The following KIAA1549L variants were observed in gnomAD, a reference collection of about 807,000 sequenced individuals.
The protein encoded by KIAA1549L is UPF0606 protein KIAA1549L.
Under a neutral mutation model 160.7 loss-of-function variants are expected in KIAA1549L, and 88 were observed. That is an observed-to-expected ratio of 0.55 (90% CI 0.46 to 0.65). The LOEUF is 0.65. KIAA1549L is among the 30% of genes least tolerant of loss of function. The pLI, the probability that KIAA1549L is intolerant of heterozygous loss-of-function variation, is 0.00. For synonymous variants in KIAA1549L, 950 were observed against 976.7 expected, an observed-to-expected ratio of 0.97 and a Z score of 0.51; for missense variants, 2,258 against 2,437.5, an observed-to-expected ratio of 0.93 and a Z score of 1.55.
At chr11:33,462,689 A>G (rs1260231199) in intron 1 of KIAA1549L, among the ~76,000 whole-genome samples, 1 of 152,096 alleles carries the variant, frequency 6.6e-6, no homozygotes, top group Non-Finnish European at 1.5e-5. Context: ...CTTTCAGCAA[A>G]TTTCTTAACT....
rs191759651 is a variant in KIAA1549L at position 33,530,672 on chromosome 11, G to A, written c.239-11130G>A. Among the ~76,000 whole-genome samples the A allele has an allele frequency of 1.2e-3, 176 of 151,832 alleles. No individual in the cohort carries two copies. In the South Asian group the frequency reaches 0.025, roughly 21 times the overall value. On this transcript the variant is annotated intron_variant, in intron 1 of 20. Coordinates refer to ENST00000658780, the MANE Select transcript of KIAA1549L (RefSeq NM_012194.3). ...ACACAGATAATATATTTCCAAACAAGTGACCTTCTGTGTGTGTGATGTCCT... is the reference window on the plus strand; with the variant it reads ...ACACAGATAATATATTTCCAAACAAATGACCTTCTGTGTGTGTGATGTCCT...
At chr11:33,551,874 A>T (rs116230724) in intron 5 of KIAA1549L, among the ~76,000 whole-genome samples, 1,825 of 152,012 alleles carry the variant, frequency 0.012, 35 homozygotes, top group African/African-American at 0.042. Context: ...AAATCATAAA[A>T]TCTTTTGCAT....
At chr11:33,561,608 A>T in intron 7 of KIAA1549L, 68 bp from the exon 8 acceptor site, 1 of 1,250,226 alleles carries the variant, frequency 8.0e-7, no homozygotes, top group Admixed American at 1.7e-5. Context: ...CTCAAATATA[A>T]CTAAATAAAT....
chr11:33,591,846 GACT>G (rs1424549859), intron 12 of KIAA1549L, among the ~76,000 whole-genome samples: 1 of 152,100 alleles, frequency 6.6e-6, no homozygotes, highest in African/African-American at 2.4e-5. Context: ...ATCCCTTTAG[GACT>G]ACAAAAATGT....
chr11:33,598,141 T>C (rs1360768764), intron 12 of KIAA1549L, among the ~76,000 whole-genome samples: 1 of 151,592 alleles, frequency 6.6e-6, no homozygotes, highest in East Asian at 1.9e-4. Flanking sequence ...AAAATCAAAA[T>C]GTTAAGTGGG....
At chr11:33,587,377 A>G (rs1275006179) in intron 11 of KIAA1549L, among the ~76,000 whole-genome samples, 1 of 152,220 alleles carries the variant, frequency 6.6e-6, no homozygotes, top group Non-Finnish European at 1.5e-5. Context: ...GTTGAAAGCT[A>G]AAAGACCGCT....
chr11:33,459,396 A>G (rs1851893800), intron 1 of KIAA1549L, among the ~76,000 whole-genome samples: 1 of 152,166 alleles, frequency 6.6e-6, no homozygotes, highest in South Asian at 2.1e-4. Flanking sequence ...ATGTGGATCC[A>G]TTACTTGCCC....
At chr11:33,548,404 C>A (rs988754643) in intron 4 of KIAA1549L, among the ~76,000 whole-genome samples, 1 of 152,080 alleles carries the variant, frequency 6.6e-6, no homozygotes, top group African/African-American at 2.4e-5. Flanking sequence ...GCCTCAAAAA[C>A]ACACACACAA....
At chr11:33,572,738 G>C (rs1855307118) in intron 9 of KIAA1549L, among the ~76,000 whole-genome samples, 1 of 152,208 alleles carries the variant, frequency 6.6e-6, no homozygotes, top group Admixed American at 6.5e-5. Flanking sequence ...CCAGTTTGTA[G>C]CTATTAAGCA....
chr11:33,472,938 G>T (rs555397793), intron 1 of KIAA1549L, among the ~76,000 whole-genome samples: 4 of 152,294 alleles, frequency 2.6e-5, no homozygotes, highest in African/African-American at 9.6e-5. Flanking sequence ...TGGTGCTCCA[G>T]CTTCCAATGT....
chr11:33,408,489 G>GTATGTGTATATATATATATATATA (rs1554974405), intron 1 of KIAA1549L, among the ~76,000 whole-genome samples: 3 of 123,074 alleles, frequency 2.4e-5, no homozygotes, highest in African/African-American at 9.7e-5. Flanking sequence ...CTGTATATGT[G>GTATGTGTATATATATATATATATA]TATATATATA....
intron 1 of KIAA1549L, among the ~76,000 whole-genome samples, chr11:33,425,749 C>G (rs192399478): frequency 1.4e-3 from 216 of 152,308 alleles, no homozygotes; most frequent in African/African-American, 4.8e-3. Flanking sequence ...ACCCAGCAAA[C>G]ACTACTTTAG....
intron 8 of KIAA1549L, among the ~76,000 whole-genome samples, chr11:33,562,678 C>CTTTTTTTTTT (rs35756207): frequency 3.7e-5 from 5 of 134,038 alleles, no homozygotes; most frequent in African/African-American, 1.4e-4. Context: ...TTCATTTCCT[C>CTTTTTTTTTT]TTTTTTTTTT....
chr11:33,521,736 C>T (rs933331481), intron 1 of KIAA1549L, among the ~76,000 whole-genome samples: 8 of 152,206 alleles, frequency 5.3e-5, no homozygotes, highest in Admixed American at 6.5e-5. Context: ...GGCTAAGCCA[C>T]ATGACGAAAG....
chr11:33,578,292 C>T (rs1382385524), intron 10 of KIAA1549L, among the ~76,000 whole-genome samples: 1 of 152,144 alleles, frequency 6.6e-6, no homozygotes, highest in African/African-American at 2.4e-5. Context: ...TCAGCTGTCA[C>T]TCAAGAGAGT....
intron 6 of KIAA1549L, among the ~76,000 whole-genome samples, chr11:33,558,833 T>A (rs1380916454): frequency 6.6e-6 from 1 of 151,688 alleles, no homozygotes; most frequent in African/African-American, 2.4e-5. Flanking sequence ...AATTCCTTTT[T>A]CTTTTCTTTT....
intron 1 of KIAA1549L, among the ~76,000 whole-genome samples, chr11:33,468,445 A>T (rs2133019046): frequency 6.6e-6 from 1 of 152,340 alleles, no homozygotes; most frequent in East Asian, 1.9e-4. Flanking sequence ...TTACAGAGTC[A>T]CCCAGTCAAC....
chr11:33,399,359 A>G (rs1361561229), intron 1 of KIAA1549L, among the ~76,000 whole-genome samples: 1 of 152,166 alleles, frequency 6.6e-6, no homozygotes, highest in Non-Finnish European at 1.5e-5. Context: ...CAGGCAACCA[A>G]AGAAGAACTG....
chr11:33,440,073 C>G (rs140472305), intron 1 of KIAA1549L, among the ~76,000 whole-genome samples: 2 of 150,248 alleles, frequency 1.3e-5, no homozygotes, highest in African/African-American at 4.9e-5. Flanking sequence ...TCTTTTTGCC[C>G]CCATTTGTCT....
Sources: gnomAD v4.1 joint callset for allele counts (sites outside exome capture counted in the v4.1 genomes callset) on GRCh38, gnomAD v4.1.1 for gene constraint, MANE v1.5 for transcripts, NCBI Gene and HGNC (gene_info 2026-07-23, HGNC 2026-07-21) for gene names.